LMX1A: variants seen among roughly 807,000 people sequenced by gnomAD.
The protein encoded by LMX1A is LIM homeobox transcription factor 1-alpha.
Under a neutral mutation model 49.1 loss-of-function variants are expected in LMX1A, and 15 were observed. That is an observed-to-expected ratio of 0.31 (90% CI 0.20 to 0.47). LMX1A has a LOEUF of 0.47. Ranked by LOEUF, LMX1A falls within the 20% of genes least tolerant of loss-of-function variation. The pLI is 1.00. For missense variants in LMX1A, 372 were observed against 475.8 expected, an observed-to-expected ratio of 0.78 and a Z score of 2.03; for synonymous variants, 167 against 185.7, an observed-to-expected ratio of 0.90 and a Z score of 0.82.
intron 3 of LMX1A, among the ~76,000 whole-genome samples, chr1:165,335,370 G>T (rs1475310389): frequency 6.6e-6 from 1 of 152,146 alleles, no homozygotes; most frequent in Non-Finnish European, 1.5e-5. Context: ...GTGAGTGTAT[G>T]TCCATTCACT....
intron 3 of LMX1A, among the ~76,000 whole-genome samples, chr1:165,310,480 A>G (rs1655045663): frequency 6.6e-6 from 1 of 152,258 alleles, no homozygotes; most frequent in African/African-American, 2.4e-5. Flanking sequence ...CACTGAAGAT[A>G]GAACAGTAAG....
intron 4 of LMX1A, among the ~76,000 whole-genome samples, chr1:165,227,013 A>G (rs1652059903): frequency 6.6e-6 from 1 of 152,218 alleles, no homozygotes; most frequent in Non-Finnish European, 1.5e-5. Context: ...GTGTTTTGGT[A>G]AAGACCAAGA....
intron 4 of LMX1A, among the ~76,000 whole-genome samples, chr1:165,242,929 C>CAAAAAAAA (rs35937155): frequency 3.0e-4 from 34 of 115,156 alleles, no homozygotes; most frequent in Non-Finnish European, 3.7e-4. Context: ...AACTCCACCT[C>CAAAAAAAA]AAAAAAAAAA....
At chr1:165,325,894 A>C (rs1655563143) in intron 3 of LMX1A, among the ~76,000 whole-genome samples, 1 of 152,196 alleles carries the variant, frequency 6.6e-6, no homozygotes, top group Admixed American at 6.6e-5. Context: ...TGTTGTTGTT[A>C]TTCTCAGCCT....
rs752187425 is a variant in LMX1A, at chr1:165,353,257, C to G, written c.82G>C (p.Ala28Pro). 6.2e-7 allele frequency: 1 copy of G among 1,610,158 alleles called. No homozygotes were observed. Among genetic ancestry groups the G allele is most frequent in the Admixed American group, 1.7e-5 (1 of 60,002 alleles). The change falls in exon 3 of 9, where the codon GCG becomes CCG. Residue 28 changes from alanine (A) to proline (P), a missense_variant. By Grantham distance (27) the Ala-to-Pro change is conservative. This residue lies in a region of LMX1A where 199 missense variants were observed against 244.0 expected (regional missense o/e 0.82). Coordinates refer to ENST00000342310, the MANE Select transcript of LMX1A (RefSeq NM_177398.4). ...SASFSSLLGR[A>P]VSPKSVCEGC... ...TCGCAGACAGACTTGGGGCTCACCGCTCTGCCTGTAGCCACAACAGACGTT... is the reference window on the plus strand; with the variant it reads ...TCGCAGACAGACTTGGGGCTCACCGGTCTGCCTGTAGCCACAACAGACGTT...
At chr1:165,260,959 A>G (rs1015779667) in intron 3 of LMX1A, among the ~76,000 whole-genome samples, 10 of 152,210 alleles carry the variant, frequency 6.6e-5, no homozygotes, top group Admixed American at 1.3e-4. Context: ...GCTCTGAAAT[A>G]ATTGAGAAGG....
At chr1:165,306,674 C>T (rs550119103) in intron 3 of LMX1A, among the ~76,000 whole-genome samples, 2 of 152,366 alleles carry the variant, frequency 1.3e-5, no homozygotes, top group South Asian at 4.1e-4. Context: ...ACAGTGATGG[C>T]TCCTTCCCAA....
At position 165,352,915 on chromosome 1, in the gene LMX1A, T is replaced by C. The variant is rs114722306; in HGVS notation, c.263+161A>G. 3.3e-3 allele frequency among the ~76,000 whole-genome samples: 499 copies of C among 152,310 alleles called. 7 individuals are homozygous for C. The highest frequency in any genetic ancestry group is 0.012 in the African/African-American group (479 of 41,586). ...CGCGCGGATCTCTGCCCTACCACCTTCCCGTGAGGGGCAATGTACACGACT... is the reference window on the plus strand; with the variant it reads ...CGCGCGGATCTCTGCCCTACCACCTCCCCGTGAGGGGCAATGTACACGACT... On this transcript the variant is annotated intron_variant, in intron 3 of 8. Transcript: ENST00000342310.
At chr1:165,294,386 G>A (rs1654558193) in intron 3 of LMX1A, among the ~76,000 whole-genome samples, 2 of 152,286 alleles carry the variant, frequency 1.3e-5, no homozygotes, top group Middle Eastern at 3.4e-3. Context: ...AATTTCAAAA[G>A]AGGTCATGCC....
At chr1:165,347,066 T>A (rs1030357044) in intron 3 of LMX1A, among the ~76,000 whole-genome samples, 3 of 152,218 alleles carry the variant, frequency 2.0e-5, no homozygotes, top group Non-Finnish European at 4.4e-5. Flanking sequence ...TTAGTTGTGA[T>A]AAAATAACTA....
At chr1:165,300,609 C>G (rs1305743261) in intron 3 of LMX1A, among the ~76,000 whole-genome samples, 1 of 152,204 alleles carries the variant, frequency 6.6e-6, no homozygotes, top group South Asian at 2.1e-4. Flanking sequence ...AAAACAGCCT[C>G]AGCTCCTCCC....
chr1:165,247,400 A>C (rs1181569754), intron 4 of LMX1A, among the ~76,000 whole-genome samples: 2 of 152,110 alleles, frequency 1.3e-5, no homozygotes, highest in Non-Finnish European at 2.9e-5. Flanking sequence ...ACCTGGAGGA[A>C]AATGACAGGG....
chr1:165,287,038 T>C (rs1304088594), intron 3 of LMX1A, among the ~76,000 whole-genome samples: 1 of 152,102 alleles, frequency 6.6e-6, no homozygotes, highest in Non-Finnish European at 1.5e-5. Context: ...TTAATATTAA[T>C]AATATGTTAA....
At chr1:165,301,060 T>C (rs1174419946) in intron 3 of LMX1A, among the ~76,000 whole-genome samples, 2 of 152,224 alleles carry the variant, frequency 1.3e-5, no homozygotes, top group Non-Finnish European at 2.9e-5. Flanking sequence ...CTGCCCACTG[T>C]GCAAATATGC....
rs748849914 is a variant in LMX1A, at chr1:165,203,083, G to A, written c.*797C>T. The A allele has an allele frequency of 6.6e-6, 1 of 152,568 alleles. No homozygotes were observed. The allele number at this position is 152,568 out of a possible 1,614,324, so 9.5% of individuals were successfully genotyped here. A position where few individuals can be genotyped will look rare whatever the true frequency, so the allele number is the denominator to read the frequency against. ...AATTTAAAAGAAAGCCCAGGAGTCT[G>A]GGCTTTACATTTTCTCAGAACATGA... On this transcript the variant is annotated 3_prime_UTR_variant, in exon 9 of 9. Coordinates refer to ENST00000342310, the MANE Select transcript of LMX1A (RefSeq NM_177398.4).
chr1:165,298,378 C>T (rs1351728282), intron 3 of LMX1A, among the ~76,000 whole-genome samples: 6 of 152,138 alleles, frequency 3.9e-5, no homozygotes, highest in African/African-American at 1.4e-4. Context: ...GGGGCTGAGG[C>T]AGCCATCAGG....
chr1:165,332,749 A>T (rs2101753862), intron 3 of LMX1A, among the ~76,000 whole-genome samples: 1 of 152,358 alleles, frequency 6.6e-6, no homozygotes, highest in African/African-American at 2.4e-5. Flanking sequence ...GGATAATTGT[A>T]TCTAGAAAAA....
chr1:165,303,391 C>A (rs1654838283), intron 3 of LMX1A, among the ~76,000 whole-genome samples: 1 of 152,208 alleles, frequency 6.6e-6, no homozygotes, highest in Non-Finnish European at 1.5e-5. Context: ...GTGCTGGGGG[C>A]TGGGAACGCT....
intron 3 of LMX1A, among the ~76,000 whole-genome samples, chr1:165,343,039 T>G (rs1252292042): frequency 6.6e-6 from 1 of 152,178 alleles, no homozygotes; most frequent in African/African-American, 2.4e-5. Flanking sequence ...TTAAAACTGT[T>G]GTGAGGATCA....
Sources: gnomAD v4.1 joint callset for allele counts (sites outside exome capture counted in the v4.1 genomes callset) on GRCh38, gnomAD v4.1.1 for gene constraint, gnomAD v4.1.1 regional missense constraint, MANE v1.5 for transcripts, NCBI Gene and HGNC (gene_info 2026-07-23, HGNC 2026-07-21) for gene names.